The following PRKAG2 variants were observed in gnomAD, a reference collection of about 807,000 sequenced individuals.
PRKAG2 encodes the protein 5'-AMP-activated protein kinase subunit gamma-2.
In PRKAG2, 26 loss-of-function variants were observed where a neutral mutation model predicts 69.6. The ratio of observed to expected loss-of-function variants is 0.37; its 90% CI spans 0.27 to 0.52. PRKAG2 has a LOEUF of 0.52. PRKAG2 is among the 20% of genes least tolerant of loss of function. The pLI, the probability that PRKAG2 is intolerant of heterozygous loss-of-function variation, is 0.90. For missense variants in PRKAG2, 557 were observed against 740.0 expected, an observed-to-expected ratio of 0.75 and a Z score of 2.87; for synonymous variants, 293 against 285.0, an observed-to-expected ratio of 1.03 and a Z score of -0.28.
At chr7:151,741,281 A>G (rs368914677) in intron 3 of PRKAG2, among the ~76,000 whole-genome samples, 1 of 152,242 alleles carries the variant, frequency 6.6e-6, no homozygotes, top group East Asian at 1.9e-4. Context: ...AGACCTGAAC[A>G]AGTATCCCAA....
At position 151,767,834 on chromosome 7, in the gene PRKAG2, CCAA is replaced by C. The variant is rs1375000777; in HGVS notation, c.466+13315_466+13317del. Reference sequence around the variant, plus strand: ...TAGACCTGCTCAAAGGAAGAACTGGCCAAAAGCTCTGGTTCCTCTTATTCTGAT... The same window carrying C: ...TAGACCTGCTCAAAGGAAGAACTGGCAAGCTCTGGTTCCTCTTATTCTGAT... On this transcript the variant is annotated intron_variant, in intron 3 of 15. Transcript: ENST00000287878. Among the ~76,000 whole-genome samples, 9 of 145,154 alleles carry C rather than the reference CCAA, an allele frequency of 6.2e-5. No individual in the cohort carries two copies. In the Admixed American group the frequency reaches 6.3e-4, roughly 10 times the overall value.
intron 15 of PRKAG2, chr7:151,558,082 T>C (rs1804159734): frequency 1.0e-6 from 1 of 985,148 alleles, no homozygotes; most frequent in Admixed American, 6.1e-5. Context: ...AGCGTGTGGC[T>C]GAAACACCGT....
At chr7:151,854,289 A>ATG (rs2079650810) in intron 1 of PRKAG2, among the ~76,000 whole-genome samples, 1 of 152,234 alleles carries the variant, frequency 6.6e-6, no homozygotes, top group Non-Finnish European at 1.5e-5. Flanking sequence ...TTCCCCCCAC[A>ATG]CACATGCACA....
chr7:151,602,123 C>T (rs867631097), intron 5 of PRKAG2, among the ~76,000 whole-genome samples: 1 of 152,240 alleles, frequency 6.6e-6, no homozygotes, highest in African/African-American at 2.4e-5. Context: ...CCTCGCGCAG[C>T]CGCATGCGCA....
chr7:151,816,705 G>A (rs924184840), intron 1 of PRKAG2, among the ~76,000 whole-genome samples: 2 of 152,230 alleles, frequency 1.3e-5, no homozygotes, highest in African/African-American at 4.8e-5. Flanking sequence ...AGCCCCCCGG[G>A]CACCGATGCA....
In PRKAG2 at chr7:151,756,642, A is replaced by G. The variant is rs1020216670; in HGVS notation, c.466+24510T>C. On this transcript the variant is annotated intron_variant, in intron 3 of 15. Transcript: ENST00000287878. This position sits in a 1 kb window ranked among gnomAD's most constrained non-coding sequence, Gnocchi z 4.9. ...AGCCCCTTTGGCTCCCGTTCCTGCC[A>G]GACAGACCAACTGCAGCTCCTGGTT... Among the ~76,000 whole-genome samples, 4 of 152,212 alleles carry G rather than the reference A, an allele frequency of 2.6e-5. No homozygotes were observed. The highest frequency in any genetic ancestry group is 4.1e-4 in the South Asian group (2 of 4,824).
Position 151,850,348 on chromosome 7 carries a change from T to C in PRKAG2, c.114+26159A>G, listed in dbSNP as rs1053787657. Among the ~76,000 whole-genome samples the C allele has an allele frequency of 2.6e-5, 4 of 152,210 alleles. No individual in the cohort carries two copies. Among genetic ancestry groups the C allele is most frequent in the Non-Finnish European group, 4.4e-5 (3 of 68,022 alleles). On this transcript the variant is annotated intron_variant, in intron 1 of 15. Coordinates refer to ENST00000287878, the MANE Select transcript of PRKAG2 (RefSeq NM_016203.4). The surrounding 1 kb of genome is among the most constrained non-coding windows in gnomAD (Gnocchi z 4.1). Reference sequence around the variant, plus strand: ...CTCCTGGAAGGAGGGATCAAATCTGTCTAAGCTCCGAAGTAACCCTGCTCA... The same window carrying C: ...CTCCTGGAAGGAGGGATCAAATCTGCCTAAGCTCCGAAGTAACCCTGCTCA...
At chr7:151,608,555 C>T (rs1038372459) in intron 5 of PRKAG2, among the ~76,000 whole-genome samples, 1 of 152,082 alleles carries the variant, frequency 6.6e-6, no homozygotes, top group African/African-American at 2.4e-5. Context: ...AGATATCAGG[C>T]ATGAGTTAAT....
At chr7:151,706,044 G>A (rs80143989) in intron 3 of PRKAG2, among the ~76,000 whole-genome samples, 3,463 of 152,268 alleles carry the variant, frequency 0.023, 135 homozygotes, top group African/African-American at 0.078. Flanking sequence ...GTGAAACCAT[G>A]TTGTACCCTG....
intron 5 of PRKAG2, among the ~76,000 whole-genome samples, chr7:151,619,182 T>G (rs1004189708): frequency 6.6e-6 from 1 of 152,202 alleles, no homozygotes; most frequent in Non-Finnish European, 1.5e-5. Flanking sequence ...CTAGGAACTA[T>G]TAATACATAA....
intron 4 of PRKAG2, among the ~76,000 whole-genome samples, chr7:151,652,748 C>T (rs1323445965): frequency 6.6e-6 from 1 of 152,138 alleles, no homozygotes; most frequent in African/African-American, 2.4e-5. Flanking sequence ...TGGTCCTTCT[C>T]ATGAGTGGCT....
At chr7:151,707,182 C>T (rs1429414941) in intron 3 of PRKAG2, among the ~76,000 whole-genome samples, 1 of 152,214 alleles carries the variant, frequency 6.6e-6, no homozygotes, top group Non-Finnish European at 1.5e-5. Flanking sequence ...ACCCAGTCCT[C>T]CTCCCTCCGA....
intron 3 of PRKAG2, among the ~76,000 whole-genome samples, chr7:151,765,963 C>A: frequency 6.6e-6 from 1 of 152,176 alleles, no homozygotes; most frequent in Non-Finnish European, 1.5e-5. Flanking sequence ...GGGGACCTTC[C>A]TAACGTTGAC....
intron 3 of PRKAG2, among the ~76,000 whole-genome samples, chr7:151,772,966 A>G (rs1303895259): frequency 6.7e-6 from 1 of 149,574 alleles, no homozygotes. Context: ...GATGACAGAG[A>G]CCCTGTCTCT....
intron 11 of PRKAG2, among the ~76,000 whole-genome samples, chr7:151,568,048 C>T (rs1437550285): frequency 6.6e-6 from 1 of 152,216 alleles, no homozygotes; most frequent in Admixed American, 6.5e-5. Context: ...ACCTCAAATT[C>T]CATGCATGTA....
chr7:151,615,225 A>G (rs1016093001), intron 5 of PRKAG2, among the ~76,000 whole-genome samples: 1 of 152,182 alleles, frequency 6.6e-6, no homozygotes, highest in Admixed American at 6.5e-5. Context: ...TTTTATGCCT[A>G]TATAGTATTC....
At chr7:151,561,924 C>G (rs1396899992) in intron 14 of PRKAG2, among the ~76,000 whole-genome samples, 1 of 120,202 alleles carries the variant, frequency 8.3e-6, no homozygotes, top group Non-Finnish European at 1.6e-5. Context: ...CAGAGCGAGA[C>G]TGTGTCTTAA....
chr7:151,667,331 G>C (rs79160175), intron 4 of PRKAG2, among the ~76,000 whole-genome samples: 3,199 of 152,210 alleles, frequency 0.021, 122 homozygotes, highest in African/African-American at 0.072. Flanking sequence ...GATGCAAACC[G>C]CAACAATCTA....
intron 1 of PRKAG2, among the ~76,000 whole-genome samples, chr7:151,853,759 CAA>C (rs56098823): frequency 0.66 from 72,296 of 109,588 alleles, 21,377 homozygotes; most frequent in Middle Eastern, 0.78. Context: ...GACTCCGTCT[CAA>C]AAAAAAAAAA....
Sources: allele counts gnomAD v4.1 joint callset (sites outside exome capture counted in the v4.1 genomes callset), GRCh38; gene constraint gnomAD v4.1.1; non-coding constraint Gnocchi (gnomAD v3.1); transcripts MANE v1.5; gene names NCBI Gene and HGNC (gene_info 2026-07-23, HGNC 2026-07-21).